AGBL1: variants seen among roughly 807,000 people sequenced by gnomAD.
AGBL1 encodes the protein AGBL carboxypeptidase 1.
Under a neutral mutation model 118.9 loss-of-function variants are expected in AGBL1, and 130 were observed. The observed-to-expected ratio is 1.09, with a 90% CI of 0.95 to 1.26. The LOEUF (loss-of-function observed/expected upper bound fraction) is 1.26, where lower values mean the gene tolerates loss of function less well. Ranked by LOEUF, AGBL1 falls within the 50% of genes most tolerant of loss-of-function variation. The probability of loss-of-function intolerance (pLI) is 0.00; values close to 1 mark genes in which losing one functional copy is unlikely to be tolerated. For missense variants in AGBL1, 1,584 were observed against 1,298.1 expected (o/e 1.22, Z -3.38); for synonymous variants, 555 against 478.9 (o/e 1.16, Z -2.08).
At chr15:86,722,699 C>G (rs1268032159) in intron 22 of AGBL1, among the ~76,000 whole-genome samples, 3 of 152,170 alleles carry the variant, frequency 2.0e-5, no homozygotes. Context: ...ACAAAAGAAA[C>G]TATCATCAGA....
intron 5 of AGBL1, among the ~76,000 whole-genome samples, chr15:86,161,495 C>A (rs2077266646): frequency 6.6e-6 from 1 of 152,174 alleles, no homozygotes; most frequent in African/African-American, 2.4e-5. Flanking sequence ...GATACATGAG[C>A]CTCAGCTCTT....
intron 17 of AGBL1, among the ~76,000 whole-genome samples, chr15:86,308,429 C>A (rs1291230700): frequency 6.6e-6 from 1 of 152,106 alleles, no homozygotes; most frequent in Non-Finnish European, 1.5e-5. Context: ...GGAAGAGAGC[C>A]CTCTTCAGAA....
At chr15:86,643,102 A>G (rs2437788) in intron 21 of AGBL1, among the ~76,000 whole-genome samples, 84,609 of 151,942 alleles carry the variant, frequency 0.56, 23,965 homozygotes, top group Middle Eastern at 0.64. Context: ...AAATGGCTGC[A>G]GCAATTTCAG....
At chr15:86,735,581 C>G (rs1426083521) in intron 22 of AGBL1, among the ~76,000 whole-genome samples, 1 of 147,194 alleles carries the variant, frequency 6.8e-6, no homozygotes, top group African/African-American at 2.6e-5. Context: ...TCTATTGTCT[C>G]TTTTGATATA....
intron 18 of AGBL1, among the ~76,000 whole-genome samples, chr15:86,475,655 A>G (rs2082547468): frequency 1.3e-5 from 2 of 152,248 alleles, no homozygotes; most frequent in African/African-American, 2.4e-5. Context: ...ACTCGGCAGG[A>G]TATTATCCAG....
At chr15:86,920,696 C>T (rs931474009), downstream of AGBL1, among the ~76,000 whole-genome samples, 2 of 152,116 alleles carry the variant, frequency 1.3e-5, no homozygotes, top group African/African-American at 4.8e-5. Flanking sequence ...GTATATTCAT[C>T]CCAGTATTCT....
intron 18 of AGBL1, among the ~76,000 whole-genome samples, chr15:86,402,782 G>C (rs531396644): frequency 6.6e-6 from 1 of 152,248 alleles, no homozygotes; most frequent in East Asian, 1.9e-4. Context: ...ATAAAGGCAT[G>C]ATTTCCCAGC....
chr15:86,159,235 TATA>T (rs1365237583), intron 5 of AGBL1, among the ~76,000 whole-genome samples: 4 of 152,164 alleles, frequency 2.6e-5, no homozygotes, highest in African/African-American at 9.7e-5. Context: ...CCTGAATGGG[TATA>T]TTATTATTCT....
intron 20 of AGBL1, among the ~76,000 whole-genome samples, chr15:86,549,884 TGGAG>T (rs1289626161): frequency 4.9e-3 from 93 of 18,954 alleles, no homozygotes; most frequent in Non-Finnish European, 6.6e-3. Context: ...GGGAGGGGAG[TGGAG>T]GGAGGGAGGG....
chr15:86,637,972 C>A (rs377093405), intron 21 of AGBL1, among the ~76,000 whole-genome samples: 1 of 152,130 alleles, frequency 6.6e-6, no homozygotes, highest in Non-Finnish European at 1.5e-5. Context: ...CCTTCTGCCC[C>A]TCAGGGCTCT....
intron 17 of AGBL1, among the ~76,000 whole-genome samples, chr15:86,366,751 A>G (rs1025512342): frequency 2.6e-5 from 4 of 152,170 alleles, no homozygotes; most frequent in African/African-American, 9.7e-5. Context: ...TCCTGGAATT[A>G]CTTCTGCCTC....
At position 86,771,662 on chromosome 15, in the gene AGBL1, C is replaced by T. The variant is rs190793557; in HGVS notation, c.3158+97226C>T. Reference sequence around the variant, plus strand: ...GTTCGGTAAATAGAAACTGCACTTGCGTAAGTGGTACATTGCTTGTCAGAC... The same window carrying T: ...GTTCGGTAAATAGAAACTGCACTTGTGTAAGTGGTACATTGCTTGTCAGAC... On this transcript the variant is annotated intron_variant, in intron 22 of 22. Coordinates refer to ENST00000614907, the MANE Select transcript of AGBL1 (RefSeq NM_001386094.1). 2.6e-5 allele frequency among the ~76,000 whole-genome samples: 4 copies of T among 151,854 alleles called. No individual in the cohort carries two copies. The East Asian group carries it at 5.8e-4, about 22-fold the overall frequency.
At chr15:86,309,443 T>C (rs1395826579) in intron 17 of AGBL1, among the ~76,000 whole-genome samples, 4 of 152,214 alleles carry the variant, frequency 2.6e-5, no homozygotes, top group Non-Finnish European at 4.4e-5. Context: ...TAGTACTATA[T>C]CGAATAGAAG....
chr15:86,391,646 T>TG (rs1294141866), intron 17 of AGBL1, among the ~76,000 whole-genome samples: 2 of 139,064 alleles, frequency 1.4e-5, no homozygotes, highest in South Asian at 2.5e-4. Flanking sequence ...GTTGGTTTTT[T>TG]TTTTTTTTTT....
chr15:86,168,251 T>C (rs1035936337), intron 5 of AGBL1, among the ~76,000 whole-genome samples: 2 of 152,118 alleles, frequency 1.3e-5, no homozygotes, highest in Admixed American at 6.5e-5. Flanking sequence ...GAGGGAGGGT[T>C]TCAGTCTGCT....
intron 24 of AGBL1, among the ~76,000 whole-genome samples, chr15:87,000,753 A>C (rs1328060119): frequency 7.6e-6 from 1 of 131,092 alleles, no homozygotes; most frequent in Non-Finnish European, 1.6e-5. Flanking sequence ...AGTTTTTTCC[A>C]ATTCTGTGAA....
At chr15:86,311,183 C>T (rs1423387302) in intron 17 of AGBL1, among the ~76,000 whole-genome samples, 3 of 152,208 alleles carry the variant, frequency 2.0e-5, no homozygotes, top group Admixed American at 2.0e-4. Flanking sequence ...TTTATTCTTT[C>T]AGACCAATTC....
intron 22 of AGBL1, among the ~76,000 whole-genome samples, chr15:86,810,937 G>A (rs1231171664): frequency 6.6e-6 from 1 of 152,172 alleles, no homozygotes; most frequent in Non-Finnish European, 1.5e-5. Flanking sequence ...GACACACAGA[G>A]GAGGAAGTGC....
chr15:86,423,482 A>T (rs1204259184), intron 18 of AGBL1, among the ~76,000 whole-genome samples: 1 of 151,516 alleles, frequency 6.6e-6, no homozygotes, highest in East Asian at 1.9e-4. Context: ...AGCACTAGAC[A>T]AGGATGTCCT....
Sources: allele counts gnomAD v4.1 joint callset (sites outside exome capture counted in the v4.1 genomes callset), GRCh38; gene constraint gnomAD v4.1.1; transcripts MANE v1.5; gene names NCBI Gene and HGNC (gene_info 2026-07-23, HGNC 2026-07-21).